Variants in RPGRIP1 observed in about 807,000 individuals in gnomAD.
RPGRIP1 encodes the protein RPGR interacting protein 1.
In RPGRIP1, 128 loss-of-function variants were observed where a neutral mutation model predicts 157.9. The observed-to-expected ratio is 0.81, with a 90% confidence interval of 0.70 to 0.94. RPGRIP1 has a LOEUF of 0.94. Among genes scored for constraint, RPGRIP1 ranks in the 40% least tolerant of loss-of-function variants. The pLI is 0.00. For synonymous variants in RPGRIP1, 554 were observed against 571.6 expected (o/e 0.97, Z 0.44); for missense variants, 1,486 against 1,545.8 (o/e 0.96, Z 0.65).
intron 7 of RPGRIP1, among the ~76,000 whole-genome samples, chr14:21,309,821 T>C (rs968937084): frequency 5.3e-5 from 7 of 132,350 alleles, no homozygotes; most frequent in East Asian, 4.4e-4. Flanking sequence ...TTTTAAAAAA[T>C]AAAAAATAAA....
At chr14:21,294,209 C>T (rs926826135) in intron 2 of RPGRIP1, among the ~76,000 whole-genome samples, 1 of 150,174 alleles carries the variant, frequency 6.7e-6, no homozygotes, top group Non-Finnish European at 1.5e-5. Flanking sequence ...CTCCAGGGAC[C>T]CAGTAGGAGT....
chr14:21,300,705 C>CG (rs1378187329), intron 3 of RPGRIP1, among the ~76,000 whole-genome samples: 1 of 73,502 alleles, frequency 1.4e-5, no homozygotes, highest in East Asian at 5.4e-4. Context: ...AGTGGCTCAA[C>CG]TTTTTTTTTT....
At chr14:21,336,058 T>C (rs1022875460) in intron 21 of RPGRIP1, among the ~76,000 whole-genome samples, 1 of 152,150 alleles carries the variant, frequency 6.6e-6, no homozygotes, top group African/African-American at 2.4e-5. Flanking sequence ...AGGAGGTAGA[T>C]TGTGTAATAT....
chr14:21,348,618 G>C (rs924551410), intron 24 of RPGRIP1, among the ~76,000 whole-genome samples: 1 of 150,646 alleles, frequency 6.6e-6, no homozygotes, highest in Admixed American at 6.6e-5. Flanking sequence ...GAGCATTTTC[G>C]TATAGGCAGC....
chr14:21,284,654 C>G (rs1329382165), intron 1 of RPGRIP1, among the ~76,000 whole-genome samples: 2 of 150,306 alleles, frequency 1.3e-5, no homozygotes, highest in African/African-American at 4.9e-5. Context: ...AAACTATTCT[C>G]CTGCTTTAGA....
In RPGRIP1 at chr14:21,302,565, G is replaced by C; in HGVS notation, c.568G>C (p.Ala190Pro). 6.3e-7 allele frequency: 1 copy of C among 1,578,012 alleles called. No individual in the cohort carries two copies. The highest frequency in any genetic ancestry group is 8.6e-7 in the Non-Finnish European group (1 of 1,160,008). The change falls in exon 5 of 25, where the codon GCC (alanine) becomes CCC (proline). Residue 190 changes from alanine to proline, a missense_variant. Physicochemically the swap from Ala to Pro is conservative, Grantham distance 27 (BLOSUM62 -1). Transcript: ENST00000400017. ...GACAAATGAAAACAGAGGTGAAGTA[G>C]CCAGTAAACCCAGTGAACTGTGAGT... ...HATNENRGEV[A>P]SKPSELVSGS... is the part of the protein sequence containing the mutation.
At chr14:21,345,625 G>A (rs187343394) in intron 23 of RPGRIP1, among the ~76,000 whole-genome samples, 1 of 152,052 alleles carries the variant, frequency 6.6e-6, no homozygotes, top group East Asian at 1.9e-4. Flanking sequence ...GTCTGGTCTT[G>A]AACTCCTGCG....
intron 1 of RPGRIP1, among the ~76,000 whole-genome samples, chr14:21,280,455 A>G (rs968178685): frequency 6.6e-6 from 1 of 152,040 alleles, no homozygotes; most frequent in African/African-American, 2.4e-5. Context: ...CATGTTTGCC[A>G]GGCTGGTCTT....
chr14:21,284,979 A>C (rs1029052295), intron 1 of RPGRIP1, among the ~76,000 whole-genome samples: 7 of 150,202 alleles, frequency 4.7e-5, no homozygotes, highest in Admixed American at 4.6e-4. Context: ...TACTTTTCAT[A>C]CATTCGGTGT....
In RPGRIP1 at chr14:21,325,936, G is replaced by A. The variant is rs1883044064; in HGVS notation, c.2473G>A (p.Val825Met). Reference protein sequence around the residue: ...WLGTQPSPYAVYRFFTFSDHD... With the variant: ...WLGTQPSPYAMYRFFTFSDHD... ...GGGAACTCAACCCAGTCCATATGCT[G>A]TGTACCGCTTCTTCACCTTTTCTGA... is the stretch of plus-strand genomic sequence containing the variant. The change falls in exon 17 of 25, where the codon GTG becomes ATG. Residue 825 changes from valine to methionine, a missense_variant. By Grantham distance (21) the Val-to-Met change is conservative. Transcript: ENST00000400017. 1.9e-6 allele frequency: 3 copies of A among 1,613,978 alleles called. No individual in the cohort carries two copies. Among genetic ancestry groups the A allele is most frequent in the Non-Finnish European group, 2.5e-6 (3 of 1,179,874 alleles).
chr14:21,337,208 A>G (rs1479228708), intron 21 of RPGRIP1, among the ~76,000 whole-genome samples: 1 of 152,142 alleles, frequency 6.6e-6, no homozygotes, highest in African/African-American at 2.4e-5. Flanking sequence ...CAGCTCTGCT[A>G]CTTAACTAGA....
At chr14:21,321,616 T>A in intron 13 of RPGRIP1, 1 of 1,120,612 alleles carries the variant, frequency 8.9e-7, no homozygotes, top group Non-Finnish European at 1.2e-6. Context: ...GGCCAGCCCA[T>A]GCCAATGGCA....
At chr14:21,305,460 G>C (rs1302458168) in intron 6 of RPGRIP1, among the ~76,000 whole-genome samples, 4 of 152,246 alleles carry the variant, frequency 2.6e-5, no homozygotes, top group African/African-American at 9.6e-5. Context: ...GCTACCGAAA[G>C]ATGTCTTAGT....
At chr14:21,280,937 T>A (rs184850099) in intron 1 of RPGRIP1, among the ~76,000 whole-genome samples, 39 of 152,310 alleles carry the variant, frequency 2.6e-4, no homozygotes, top group African/African-American at 8.9e-4. Context: ...ATTGACAATT[T>A]GAAATTGTAT....
At chr14:21,297,817 C>T (rs1328608697) in intron 3 of RPGRIP1, among the ~76,000 whole-genome samples, 4 of 126,786 alleles carry the variant, frequency 3.2e-5, no homozygotes, top group Admixed American at 7.7e-5. Flanking sequence ...TTCTATGTTT[C>T]GGTATCTCAA....
chr14:21,346,950 C>T (rs1275056073), intron 23 of RPGRIP1, among the ~76,000 whole-genome samples: 1 of 152,256 alleles, frequency 6.6e-6, no homozygotes, highest in Non-Finnish European at 1.5e-5. Context: ...TAAACAGTGA[C>T]TCTGACTTCA....
In RPGRIP1 at chr14:21,348,054, G is replaced by A. The variant is rs79387178; in HGVS notation, c.3618-118G>A. 5.3e-3 allele frequency: 4,475 copies of A among 849,444 alleles called. 162 individuals carry two copies. The African/African-American group carries it at 0.074, about 14-fold the overall frequency. 52.6% of individuals were successfully genotyped at this position (849,444 alleles called of 1,614,324 possible). On this transcript the variant is annotated intron_variant, in intron 23 of 24. Coordinates refer to ENST00000400017, the MANE Select transcript of RPGRIP1 (RefSeq NM_020366.4). ...CTTATTGTCATTTTGTAAAATGGAG[G>A]CAAGGGAAAAGTGATTCAGAGAAGA...
rs183189425 is a variant in RPGRIP1 at position 21,292,526 on chromosome 14, G to C, written c.86-2151G>C. Among the ~76,000 whole-genome samples, 33 of 152,208 alleles carry C rather than the reference G, an allele frequency of 2.2e-4. No individual in the cohort carries two copies. The East Asian group carries it at 6.2e-3, about 29-fold the overall frequency. ...ACTTGAGCCCAGCCTGGGCAACATG[G>C]TGAGACCTTGTCACTATAAAAAATT... On this transcript the variant is annotated intron_variant, in intron 2 of 24. Coordinates refer to ENST00000400017, the MANE Select transcript of RPGRIP1 (RefSeq NM_020366.4).
chr14:21,281,701 AATAAATAATAAT>A, intron 1 of RPGRIP1, among the ~76,000 whole-genome samples: 1 of 86,714 alleles, frequency 1.2e-5, no homozygotes, highest in African/African-American at 4.9e-5. Flanking sequence ...AAAAAAAAAA[AATAAATAATAAT>A]AATAATAATA....
Sources: allele counts gnomAD v4.1 joint callset (sites outside exome capture counted in the v4.1 genomes callset), GRCh38; gene constraint gnomAD v4.1.1; transcripts MANE v1.5; gene names NCBI Gene and HGNC (gene_info 2026-07-23, HGNC 2026-07-21).